The following SLC4A4 variants were observed in gnomAD, a reference collection of about 807,000 sequenced individuals.
SLC4A4 encodes electrogenic sodium bicarbonate cotransporter 1.
Under a neutral mutation model 111.5 loss-of-function variants are expected in SLC4A4, and 27 were observed. The observed-to-expected ratio is 0.24, with a 90% CI of 0.18 to 0.33. The LOEUF (loss-of-function observed/expected upper bound fraction) is 0.33, where lower values mean the gene tolerates loss of function less well. Ranked by LOEUF, SLC4A4 falls within the 10% of genes least tolerant of loss-of-function variation. The pLI is 1.00. For missense variants in SLC4A4, 909 were observed against 1,315.5 expected, an observed-to-expected ratio of 0.69 and a Z score of 4.78; for synonymous variants, 443 against 463.4, an observed-to-expected ratio of 0.96 and a Z score of 0.57.
intron 3 of SLC4A4, among the ~76,000 whole-genome samples, chr4:71,304,747 T>C (rs536177818): frequency 4.3e-4 from 66 of 152,346 alleles, no homozygotes; most frequent in South Asian, 2.5e-3. Flanking sequence ...GATTCAGCCT[T>C]GGGCAAGGTT....
chr4:71,269,996 A>T (rs1722589898), intron 3 of SLC4A4, among the ~76,000 whole-genome samples: 2 of 152,232 alleles, frequency 1.3e-5, no homozygotes, highest in Admixed American at 6.5e-5. Flanking sequence ...GCACTGGCAA[A>T]TAATACAGCT....
At chr4:71,147,251 C>T (rs1744201217) in intron 2 of SLC4A4, among the ~76,000 whole-genome samples, 1 of 152,098 alleles carries the variant, frequency 6.6e-6, no homozygotes, top group South Asian at 2.1e-4. Flanking sequence ...TCCCCTTTCT[C>T]TCCTTTCAAA....
intron 16 of SLC4A4, among the ~76,000 whole-genome samples, chr4:71,515,350 T>A (rs1732289426): frequency 6.6e-6 from 1 of 152,194 alleles, no homozygotes; most frequent in Non-Finnish European, 1.5e-5. Flanking sequence ...TTGATATGAT[T>A]TTCATTTTGT....
At chr4:71,299,913 C>G (rs976208066) in intron 3 of SLC4A4, among the ~76,000 whole-genome samples, 1 of 152,122 alleles carries the variant, frequency 6.6e-6, no homozygotes. Context: ...GTTGCGCACA[C>G]CCCATTTTGA....
chr4:71,379,297 C>T (rs1717862074), intron 6 of SLC4A4, among the ~76,000 whole-genome samples: 1 of 152,158 alleles, frequency 6.6e-6, no homozygotes, highest in Non-Finnish European at 1.5e-5. Flanking sequence ...TGGTCTCTGC[C>T]TAACGCCCTA....
At chr4:71,146,876 T>C (rs1031300030) in intron 2 of SLC4A4, among the ~76,000 whole-genome samples, 4 of 152,080 alleles carry the variant, frequency 2.6e-5, no homozygotes, top group African/African-American at 9.7e-5. Flanking sequence ...AGGATCAAAT[T>C]CACACATAAC....
At chr4:71,339,304 C>A (rs1434677455) in intron 3 of SLC4A4, 66 bp from the exon 4 acceptor site, 1 of 1,614,136 alleles carries the variant, frequency 6.2e-7, no homozygotes, top group Admixed American at 1.7e-5. Context: ...AGAGGAAGAG[C>A]CCGGAGCTCC....
chr4:71,108,083 T>C (rs1004052616), intron 2 of SLC4A4, among the ~76,000 whole-genome samples: 1 of 152,194 alleles, frequency 6.6e-6, no homozygotes, highest in African/African-American at 2.4e-5. Flanking sequence ...CTCTTTTTAG[T>C]TGATGTCACA....
At chr4:71,503,863 T>C (rs1731160139) in intron 16 of SLC4A4, among the ~76,000 whole-genome samples, 1 of 152,194 alleles carries the variant, frequency 6.6e-6, no homozygotes, top group Non-Finnish European at 1.5e-5. Context: ...AAGACTGATC[T>C]AGCAATAATG....
chr4:71,140,462 A>C (rs997534255), intron 2 of SLC4A4, among the ~76,000 whole-genome samples: 8 of 152,150 alleles, frequency 5.3e-5, no homozygotes, highest in African/African-American at 7.2e-5. Flanking sequence ...AATGACTTCC[A>C]AATGTATATC....
At chr4:71,223,978 C>T (rs138108844) in intron 1 of SLC4A4, among the ~76,000 whole-genome samples, 37 of 152,192 alleles carry the variant, frequency 2.4e-4, no homozygotes, top group Middle Eastern at 3.4e-3. Context: ...ACTTAGGAGC[C>T]CAGGTCCTCA....
chr4:71,368,257 A>G (rs986919485), intron 6 of SLC4A4, among the ~76,000 whole-genome samples: 2 of 152,250 alleles, frequency 1.3e-5, no homozygotes, highest in Admixed American at 6.5e-5. Context: ...TGGAGAAACC[A>G]TACTGTATAT....
intron 13 of SLC4A4, among the ~76,000 whole-genome samples, chr4:71,467,318 T>C (rs1727461984): frequency 6.6e-6 from 1 of 152,122 alleles, no homozygotes; most frequent in Non-Finnish European, 1.5e-5. Flanking sequence ...CTTTACTTAG[T>C]CCACTGCTCC....
chr4:71,211,849 G>C (rs538610971), intron 1 of SLC4A4, among the ~76,000 whole-genome samples: 1 of 150,534 alleles, frequency 6.6e-6, no homozygotes, highest in South Asian at 2.1e-4. Flanking sequence ...GGTGATGACT[G>C]TCAGGCCTGG....
At chr4:71,557,564 A>T in intron 21 of SLC4A4, 148 bp from the exon 22 acceptor site, 1 of 755,488 alleles carries the variant, frequency 1.3e-6, no homozygotes, top group Non-Finnish European at 2.3e-6. Context: ...TGCTTGACTA[A>T]ATTTCTGCAT....
intron 7 of SLC4A4, among the ~76,000 whole-genome samples, chr4:71,411,597 C>T (rs1721368401): frequency 6.6e-6 from 1 of 152,142 alleles, no homozygotes; most frequent in Middle Eastern, 3.4e-3. Flanking sequence ...TTTTGTATGG[C>T]TTGCAAGCTC....
intron 16 of SLC4A4, among the ~76,000 whole-genome samples, chr4:71,509,134 A>G (rs1322862735): frequency 6.6e-6 from 1 of 152,232 alleles, no homozygotes; most frequent in Admixed American, 6.5e-5. Flanking sequence ...TGACAAACCC[A>G]CAGCCAATAT....
chr4:71,096,346 C>T (rs1742549984), intron 2 of SLC4A4, among the ~76,000 whole-genome samples: 1 of 151,844 alleles, frequency 6.6e-6, no homozygotes, highest in Non-Finnish European at 1.5e-5. Context: ...GAGAGAAGAC[C>T]CAAAACAGAA....
At chr4:71,064,844 G>A (rs1400439241) in intron 1 of SLC4A4, among the ~76,000 whole-genome samples, 1 of 152,156 alleles carries the variant, frequency 6.6e-6, no homozygotes, top group Non-Finnish European at 1.5e-5. Flanking sequence ...AATCGTAGAC[G>A]AGTTATTTAA....
Sources: allele counts gnomAD v4.1 joint callset (sites outside exome capture counted in the v4.1 genomes callset), GRCh38; gene constraint gnomAD v4.1.1; transcripts MANE v1.5; gene names NCBI Gene and HGNC (gene_info 2026-07-23, HGNC 2026-07-21).